Variants in RPL3 observed in about 807,000 individuals in gnomAD.
RPL3 encodes ribosomal protein L3.
In RPL3, 3 loss-of-function variants were observed where a neutral mutation model predicts 46.0. That is an observed-to-expected ratio of 0.07 (90% CI 0.03 to 0.17). The LOEUF (loss-of-function observed/expected upper bound fraction) is 0.17, where lower values mean the gene tolerates loss of function less well. RPL3 is among the 10% of genes least tolerant of loss of function. RPL3 has a pLI of 1.00. For synonymous variants in RPL3, 224 were observed against 190.8 expected (o/e 1.17, Z -1.43); for missense variants, 387 against 532.7 (o/e 0.73, Z 2.69).
rs1008668999 is a variant in RPL3 at position 39,313,503 on chromosome 22, C to G, written c.1047+131G>C. 2.7e-5 allele frequency: 34 copies of G among 1,253,856 alleles called. No individual in the cohort carries two copies. In the African/African-American group the frequency reaches 4.8e-4, roughly 18 times the overall value. The allele number at this position is 1,253,856 out of a possible 1,614,324, so 77.7% of individuals were successfully genotyped here. A position where few individuals can be genotyped will look rare whatever the true frequency, so the allele number is the denominator to read the frequency against. On this transcript the variant is annotated intron_variant, in intron 8 of 9. Coordinates refer to ENST00000216146, the MANE Select transcript of RPL3 (RefSeq NM_000967.4). ...TGGGAATTTCCTCATCTCAGGACTT[C>G]AAAGCCAGTGTGAAAGGACTGCCAA...
intron 5 of RPL3, 49 bp downstream of exon 5, chr22:39,315,320 C>T (rs777773782): frequency 1.2e-6 from 2 of 1,612,278 alleles, no homozygotes; most frequent in Non-Finnish European, 1.7e-6. Context: ...GGCCTGAAAC[C>T]ACTTCTCCCC....
chr22:39,317,813 C>T, intron 2 of RPL3, 184 bp from the exon 3 acceptor site: 1 of 612,658 alleles, frequency 1.6e-6, no homozygotes, highest in South Asian at 2.2e-5. Flanking sequence ...GTTATTCAAA[C>T]AAAAAATATC....
rs892320296 is a variant in RPL3 at position 39,312,952 on chromosome 22, T to C, written c.1200A>G (p.Glu400=). The C allele has an allele frequency of 6.2e-7, 1 of 1,614,172 alleles. No homozygotes were observed. The highest frequency in any genetic ancestry group is 8.5e-7 in the Non-Finnish European group (1 of 1,179,990). The change falls in exon 10 of 10, where the codon GAA becomes GAG. Residue 400 remains glutamate (E), a synonymous_variant. Coordinates refer to ENST00000216146, the MANE Select transcript of RPL3 (RefSeq NM_000967.4). ...TCTGTTCCTGGCATTAAGCTCCTTC[T>C]TCCTTTGCAATTCGGTCTTTCTTCA... ...GPLKKDRIAK[E]EGA
Position 39,316,827 on chromosome 22 carries a change from T to G in RPL3, c.380A>C (p.Lys127Thr), listed in dbSNP as rs770832833. The change falls in exon 4 of 10, where the codon AAG becomes ACG. Residue 127 changes from lysine to threonine, a missense_variant. By Grantham distance (78) the Lys-to-Thr change is moderately conservative (BLOSUM62 -1). Transcript: ENST00000216146. ...CTTGCAGTACTTGGTAAAGGCCTTC[T>G]TCTTAGATTTATGCCTTCAGGAGCA... ...RFYKNWHKSK[K>T]KAFTKYCKKW... The G allele has an allele frequency of 6.8e-6, 11 of 1,613,878 alleles. No homozygotes were observed. The highest frequency in any genetic ancestry group is 9.3e-6 in the Non-Finnish European group (11 of 1,180,040).
rs756663001 is a variant in RPL3, at chr22:39,313,694, G to A, written c.987C>T (p.Asp329=). 1.5e-5 allele frequency: 25 copies of A among 1,614,104 alleles called. No individual in the cohort carries two copies. The highest frequency in any genetic ancestry group is 2.0e-5 in the Non-Finnish European group (24 of 1,180,038). The change falls in exon 8 of 10, where the codon GAC becomes GAT. Residue 329 remains aspartate, a synonymous_variant. Transcript: ENST00000216146. ...GFVHYGEVTN[D]FVMLKGCVVG... ...CCACACAGCCTTTCAGCATGACAAA[G>A]TCATTGGTCACTTCACCATAGTGGA...
chr22:39,317,511 G>A lies in RPL3; in HGVS notation c.315C>T (p.Val105=), dbSNP rs570292445. Residue 105 remains valine, a synonymous_variant, in exon 3 of 10, where the codon GTC becomes GTT. Transcript: ENST00000216146. ...TPRGLRTFKT[V]FAEHISDECK... ...ATTCATCACTGATGTGCTCAGCAAA[G>A]ACAGTCTTGAAGGTCCGGAGGCCTC... 7.0e-4 allele frequency: 1,132 copies of A among 1,613,952 alleles called. 17 individuals carry two copies. The South Asian group carries it at 0.012, about 17-fold the overall frequency.
intron 6 of RPL3, 127 bp from the exon 7 acceptor site, chr22:39,314,335 A>C: frequency 1.2e-6 from 1 of 809,016 alleles, no homozygotes; most frequent in Non-Finnish European, 2.0e-6. Context: ...GCGTATCCCA[A>C]GGTCAGAGCA....
chr22:39,317,663 G>A, intron 2 of RPL3, 34 bp from the exon 3 acceptor site: 1 of 1,607,942 alleles, frequency 6.2e-7, no homozygotes, highest in Non-Finnish European at 8.5e-7. Flanking sequence ...GACTTGGCAG[G>A]AGCCCAAGCA....
intron 5 of RPL3, 196 bp downstream of exon 5, chr22:39,315,173 C>T (rs113747154): frequency 2.3e-6 from 2 of 877,774 alleles, no homozygotes; most frequent in Non-Finnish European, 3.8e-6. Flanking sequence ...AAGAAGTTGT[C>T]CCCTGGCCCT....
At chr22:39,313,954 G>A (rs536259751) in intron 7 of RPL3, 153 bp downstream of exon 7, 58 of 838,854 alleles carry the variant, frequency 6.9e-5, no homozygotes, top group Admixed American at 5.2e-4. Flanking sequence ...CCCGACGAGT[G>A]GACTCAGATG....
At position 39,318,151 on chromosome 22, in the gene RPL3, G is replaced by A. The variant is rs73887466; in HGVS notation, c.196+249C>T. 8.9e-4 allele frequency: 428 copies of A among 481,090 alleles called. 3 individuals carry two copies. Among genetic ancestry groups the A allele is most frequent in the African/African-American group, 7.9e-3 (394 of 49,878 alleles). The allele number at this position is 481,090 out of a possible 1,614,324, so 29.8% of individuals were successfully genotyped here. A position where few individuals can be genotyped will look rare whatever the true frequency, so the allele number is the denominator to read the frequency against. Reference sequence around the variant, plus strand: ...TTAACTTCTCTTTGCTAAGGTTCCTGGCAAATTTACTATGCTCTGAAATCA... The same window carrying A: ...TTAACTTCTCTTTGCTAAGGTTCCTAGCAAATTTACTATGCTCTGAAATCA... On this transcript the variant is annotated intron_variant, in intron 2 of 9. Transcript: ENST00000216146.
chr22:39,319,072 C>T (rs765774980), intron 1 of RPL3: 2 of 537,418 alleles, frequency 3.7e-6, no homozygotes, highest in Non-Finnish European at 3.8e-6. Context: ...TGACAATCAG[C>T]ACACAGTTTC....
chr22:39,314,245 G>A (rs779730574), intron 6 of RPL3, 37 bp from the exon 7 acceptor site: 64 of 1,566,158 alleles, frequency 4.1e-5, no homozygotes, highest in Middle Eastern at 1.7e-4. Context: ...TGGGGCATTA[G>A]GGACAAATAA....
rs1025988992 is a variant in RPL3 at position 39,313,496 on chromosome 22, A to G, written c.1047+138T>C. ...GCCAGACTGGGAATTTCCTCATCTC[A>G]GGACTTCAAAGCCAGTGTGAAAGGA... is the stretch of plus-strand genomic sequence containing the variant. On this transcript the variant is annotated intron_variant, in intron 8 of 9. Transcript: ENST00000216146. The G allele has an allele frequency of 1.9e-5, 23 of 1,239,554 alleles. No individual in the cohort carries two copies. In the African/African-American group the frequency reaches 3.1e-4, roughly 17 times the overall value. The allele number at this position is 1,239,554 out of a possible 1,614,324, so 76.8% of individuals were successfully genotyped here.
intron 9 of RPL3, 21 bp downstream of exon 9, chr22:39,313,170 G>A (rs368704394): frequency 3.7e-6 from 6 of 1,606,072 alleles, no homozygotes; most frequent in African/African-American, 1.3e-5. Flanking sequence ...CCCAGCGAGG[G>A]GGGCAGGCAG....
intron 3 of RPL3, 38 bp from the exon 4 acceptor site, chr22:39,316,879 G>A (rs747785526): frequency 2.4e-5 from 38 of 1,613,076 alleles, no homozygotes; most frequent in Middle Eastern, 3.3e-4. Flanking sequence ...GGGACCAGGT[G>A]CAGGCCTTCA....
intron 3 of RPL3, chr22:39,317,063 CA>C: frequency 3.0e-6 from 2 of 671,726 alleles, no homozygotes; most frequent in African/African-American, 3.6e-5. Flanking sequence ...TACACGCATT[CA>C]AACAAAATTC....
chr22:39,318,536 C>T lies in RPL3; in HGVS notation c.60G>A (p.Lys20=), dbSNP rs766573671. 1 of 1,613,654 alleles carries T rather than the reference C, an allele frequency of 6.2e-7. No individual in the cohort carries two copies. Among genetic ancestry groups the T allele is most frequent in the Admixed American group, 1.7e-5 (1 of 59,928 alleles). The part of the protein sequence containing the change: ...RHGSLGFLPR[K]RSSRHRGKVK... ...CCTTCCCACGATGCCTGCTGCTGCG[C>T]TTCCGAGGCAGGAAGCCGAGGGACC... The change falls in exon 2 of 10, where the codon AAG becomes AAA. Residue 20 remains lysine, a synonymous_variant. Transcript: ENST00000216146.
chr22:39,317,095 C>T (rs748385064), intron 3 of RPL3: 2 of 632,180 alleles, frequency 3.2e-6, no homozygotes, highest in Non-Finnish European at 5.6e-6. Context: ...ACAAACCTTT[C>T]TGCCCTGGGG....
Sources: allele counts gnomAD v4.1 joint callset, GRCh38; gene constraint gnomAD v4.1.1; transcripts MANE v1.5; gene names NCBI Gene and HGNC (gene_info 2026-07-23, HGNC 2026-07-21).